The following GMDS variants were observed in gnomAD, a reference collection of about 807,000 sequenced individuals.
The protein encoded by GMDS is GDP-mannose 4,6 dehydratase.
Under a neutral mutation model 49.9 loss-of-function variants are expected in GMDS, and 20 were observed. The observed-to-expected ratio is 0.40, with a 90% CI of 0.28 to 0.58. The LOEUF (loss-of-function observed/expected upper bound fraction) is 0.58, where lower values mean the gene tolerates loss of function less well. Ranked by LOEUF, GMDS falls within the 20% of genes least tolerant of loss-of-function variation. The pLI is 0.42. For missense variants in GMDS, 362 were observed against 481.4 expected, an observed-to-expected ratio of 0.75 and a Z score of 2.32; for synonymous variants, 177 against 178.6, an observed-to-expected ratio of 0.99 and a Z score of 0.07.
chr6:2,104,813 T>A (rs923614185), intron 4 of GMDS, among the ~76,000 whole-genome samples: 3 of 152,226 alleles, frequency 2.0e-5, no homozygotes, highest in Admixed American at 6.5e-5. Flanking sequence ...GTCACTTAAG[T>A]AAATAATTCC....
intron 1 of GMDS, among the ~76,000 whole-genome samples, chr6:2,237,157 A>C (rs1781397577): frequency 6.6e-6 from 1 of 152,218 alleles, no homozygotes; most frequent in South Asian, 2.1e-4. Flanking sequence ...ATTCTACATA[A>C]GTAAATGCCA....
intron 4 of GMDS, among the ~76,000 whole-genome samples, chr6:1,977,369 G>A (rs1479966656): frequency 6.6e-6 from 1 of 152,168 alleles, no homozygotes; most frequent in Admixed American, 6.5e-5. Flanking sequence ...ACTCTTCTAT[G>A]GAATTCAGGA....
intron 1 of GMDS, among the ~76,000 whole-genome samples, chr6:2,145,187 A>G (rs1341999232): frequency 6.6e-6 from 1 of 152,210 alleles, no homozygotes; most frequent in Non-Finnish European, 1.5e-5. Context: ...AAGCTCACAT[A>G]TAACAGAAAC....
intron 7 of GMDS, among the ~76,000 whole-genome samples, chr6:1,835,973 C>T (rs1330245682): frequency 4.6e-5 from 7 of 152,194 alleles, no homozygotes; most frequent in East Asian, 1.9e-4. Context: ...CTGTAAGCTC[C>T]GCCTCCCGGG....
At chr6:1,685,890 C>T (rs879685965) in intron 9 of GMDS, among the ~76,000 whole-genome samples, 4 of 152,212 alleles carry the variant, frequency 2.6e-5, no homozygotes, top group Admixed American at 2.0e-4. Context: ...TCTTCTTAAG[C>T]TTATCAGTGA....
intron 7 of GMDS, among the ~76,000 whole-genome samples, chr6:1,841,948 C>A (rs1240507457): frequency 2.0e-5 from 3 of 152,192 alleles, no homozygotes; most frequent in East Asian, 3.9e-4. Context: ...TAACCAGGAC[C>A]TTCCTCATAT....
intron 7 of GMDS, among the ~76,000 whole-genome samples, chr6:1,787,114 T>C (rs1031431115): frequency 1.3e-5 from 2 of 152,250 alleles, no homozygotes; most frequent in African/African-American, 4.8e-5. Context: ...ATTTACTGCA[T>C]GTTTTTGGGT....
intron 1 of GMDS, among the ~76,000 whole-genome samples, chr6:2,244,389 T>C (rs1781761048): frequency 6.6e-6 from 1 of 152,282 alleles, no homozygotes; most frequent in South Asian, 2.1e-4. Flanking sequence ...GTATTAGCCA[T>C]TATCACCTTT....
intron 4 of GMDS, among the ~76,000 whole-genome samples, chr6:2,004,560 T>C (rs1207817733): frequency 1.3e-5 from 2 of 152,208 alleles, no homozygotes; most frequent in Non-Finnish European, 2.9e-5. Flanking sequence ...CAGCTCATAG[T>C]TGCTTAACAC....
intron 4 of GMDS, among the ~76,000 whole-genome samples, chr6:2,105,114 G>A (rs1191325868): frequency 1.0e-4 from 15 of 150,266 alleles, no homozygotes; most frequent in African/African-American, 2.7e-4. Flanking sequence ...CCCGGGAGGC[G>A]GAGCTTGCAG....
At chr6:1,934,129 A>G (rs896609810) in intron 6 of GMDS, among the ~76,000 whole-genome samples, 1 of 152,188 alleles carries the variant, frequency 6.6e-6, no homozygotes, top group African/African-American at 2.4e-5. Flanking sequence ...TTTGTTAGAA[A>G]GGTTATTTTT....
chr6:1,676,188 T>C (rs1228342437), intron 9 of GMDS, among the ~76,000 whole-genome samples: 2 of 152,086 alleles, frequency 1.3e-5, no homozygotes, highest in African/African-American at 4.8e-5. Flanking sequence ...CACAATTGCT[T>C]CAAAGAGAAT....
chr6:1,672,101 G>A (rs1764451006), intron 9 of GMDS, among the ~76,000 whole-genome samples: 1 of 152,200 alleles, frequency 6.6e-6, no homozygotes, highest in Non-Finnish European at 1.5e-5. Flanking sequence ...ACAAAAGAGT[G>A]TTTTTTCCTG....
At chr6:1,958,661 C>T (rs1763771590) in intron 6 of GMDS, among the ~76,000 whole-genome samples, 1 of 152,116 alleles carries the variant, frequency 6.6e-6, no homozygotes, top group Non-Finnish European at 1.5e-5. Flanking sequence ...ATAAACCTGT[C>T]GCTTTAATCT....
intron 9 of GMDS, among the ~76,000 whole-genome samples, chr6:1,677,442 C>T (rs1197691647): frequency 6.6e-6 from 1 of 152,190 alleles, no homozygotes; most frequent in East Asian, 1.9e-4. Context: ...CATCCCATTA[C>T]TGGGCATATA....
rs141293964 is a variant in GMDS at position 2,112,726 on chromosome 6, A to G, written c.345+3045T>C. ...GTCACATCACTAAAATGTTTCTTTA[A>G]AACGTCACAAATCCTCGCTGGCCTA... is the stretch of plus-strand genomic sequence containing the variant. On this transcript the variant is annotated intron_variant, in intron 4 of 10. Transcript: ENST00000380815. Among the ~76,000 whole-genome samples, 1,410 of 152,284 alleles carry G rather than the reference A, an allele frequency of 9.3e-3. 37 individuals carry two copies. The highest frequency in any genetic ancestry group is 0.07 in the South Asian group (338 of 4,814).
At chr6:1,829,323 G>C (rs898839114) in intron 7 of GMDS, among the ~76,000 whole-genome samples, 1 of 152,154 alleles carries the variant, frequency 6.6e-6, no homozygotes, top group Non-Finnish European at 1.5e-5. Context: ...GAACGTGTGC[G>C]TATGTGTATA....
chr6:2,010,934 T>G (rs965888962), intron 4 of GMDS, among the ~76,000 whole-genome samples: 3 of 152,278 alleles, frequency 2.0e-5, no homozygotes, highest in East Asian at 1.9e-4. Context: ...TAGAGAGAGA[T>G]AAGATACAGG....
chr6:1,836,875 G>A lies in GMDS; in HGVS notation c.771+93228C>T, dbSNP rs1756951705. Among the ~76,000 whole-genome samples, 1 of 152,228 alleles carries A rather than the reference G, an allele frequency of 6.6e-6. No individual in the cohort carries two copies. The highest frequency in any genetic ancestry group is 2.4e-5 in the African/African-American group (1 of 41,468). The stretch of plus-strand genomic sequence containing the variant: ...AGGAAAAAGGTAATGAAGAAGAATA[G>A]CTTAGACAGAGGGATTTAATGATAT... On this transcript the variant is annotated intron_variant, in intron 7 of 10. Transcript: ENST00000380815. This position sits in a 1 kb window ranked among gnomAD's most constrained non-coding sequence, Gnocchi z 4.2.
Sources: allele counts gnomAD v4.1 joint callset (sites outside exome capture counted in the v4.1 genomes callset), GRCh38; gene constraint gnomAD v4.1.1; non-coding constraint Gnocchi (gnomAD v3.1); transcripts MANE v1.5; gene names NCBI Gene and HGNC (gene_info 2026-07-23, HGNC 2026-07-21).